Variants in WWP2 observed in about 807,000 individuals in gnomAD.
The protein encoded by WWP2 is NEDD4-like E3 ubiquitin-protein ligase WWP2.
Under a neutral mutation model 121.0 loss-of-function variants are expected in WWP2, and 57 were observed. The ratio of observed to expected loss-of-function variants is 0.47; its 90% CI spans 0.38 to 0.59. The LOEUF is 0.59. Among genes scored for constraint, WWP2 ranks in the 20% least tolerant of loss-of-function variants. The pLI, the probability that WWP2 is intolerant of heterozygous loss-of-function variation, is 0.00. For missense variants in WWP2, 962 were observed against 1,158.9 expected (o/e 0.83, Z 2.47); for synonymous variants, 449 against 441.3 (o/e 1.02, Z -0.22).
At chr16:69,915,417 A>G (rs527496729) in intron 9 of WWP2, among the ~76,000 whole-genome samples, 1 of 152,288 alleles carries the variant, frequency 6.6e-6, no homozygotes, top group African/African-American at 2.4e-5. Flanking sequence ...TATGGCAAAA[A>G]TCAAGAAATA....
intron 10 of WWP2, among the ~76,000 whole-genome samples, chr16:69,923,221 C>T (rs918129609): frequency 1.7e-4 from 24 of 142,086 alleles, no homozygotes; most frequent in Non-Finnish European, 2.2e-4. Flanking sequence ...TTGCACCAAC[C>T]TAATAAATGT....
intron 7 of WWP2, among the ~76,000 whole-genome samples, chr16:69,884,823 C>T (rs2057894693): frequency 6.6e-6 from 1 of 152,092 alleles, no homozygotes. Context: ...ACAAACTGAA[C>T]CTCCAGGAAG....
At chr16:69,813,102 T>C (rs561258081) in intron 4 of WWP2, among the ~76,000 whole-genome samples, 17 of 152,112 alleles carry the variant, frequency 1.1e-4, no homozygotes, top group Non-Finnish European at 1.3e-4. Flanking sequence ...GTATGTATTA[T>C]CAGCTTCTAC....
intron 6 of WWP2, among the ~76,000 whole-genome samples, chr16:69,845,145 G>A (rs1356040194): frequency 6.6e-6 from 1 of 152,076 alleles, no homozygotes. Flanking sequence ...TTTTTCAGGT[G>A]TAAAGTGGGG....
chr16:69,922,442 A>T (rs2058577031), intron 10 of WWP2, among the ~76,000 whole-genome samples: 1 of 152,180 alleles, frequency 6.6e-6, no homozygotes, highest in South Asian at 2.1e-4. Context: ...TGCACCCCAG[A>T]TCTCCCAACC....
intron 21 of WWP2, among the ~76,000 whole-genome samples, chr16:69,938,421 C>G (rs1018617220): frequency 6.6e-6 from 1 of 152,168 alleles, no homozygotes; most frequent in African/African-American, 2.4e-5. Flanking sequence ...AGTTCAAGAC[C>G]AGCCTGGCCA....
In WWP2 at chr16:69,925,610, A is replaced by G; in HGVS notation, c.1234+126A>G. The G allele has an allele frequency of 7.9e-7, 1 of 1,269,112 alleles. No individual in the cohort carries two copies. The highest frequency in any genetic ancestry group is 2.4e-5 in the East Asian group (1 of 40,896). The allele number at this position is 1,269,112 out of a possible 1,614,324, so 78.6% of individuals were successfully genotyped here. A position where few individuals can be genotyped will look rare whatever the true frequency, so the allele number is the denominator to read the frequency against. ...TTTCCATCTCTCCCCTCTCCAGCAC[A>G]CTCTCTGGGCATGCCCCACCAGAGC... On this transcript the variant is annotated intron_variant, in intron 11 of 23. Transcript: ENST00000359154. The surrounding 1 kb of genome is among the most constrained non-coding windows in gnomAD (Gnocchi z 4.0).
chr16:69,806,598 G>T (rs2056280075), intron 4 of WWP2, among the ~76,000 whole-genome samples: 2 of 151,556 alleles, frequency 1.3e-5, no homozygotes, highest in African/African-American at 4.9e-5. Context: ...CATAATTACT[G>T]GTTTGTTCAG....
chr16:69,812,477 C>G (rs4247105), intron 4 of WWP2, among the ~76,000 whole-genome samples: 20 of 119,872 alleles, frequency 1.7e-4, no homozygotes, highest in South Asian at 2.7e-4. Context: ...AACCCCCCCC[C>G]TTTTTTTTTT....
At position 69,809,281 on chromosome 16, in the gene WWP2, C is replaced by G. The variant is rs547767722; in HGVS notation, c.340+9986C>G. Among the ~76,000 whole-genome samples, 6 of 152,258 alleles carry G rather than the reference C, an allele frequency of 3.9e-5. No individual in the cohort carries two copies. In the South Asian group the frequency reaches 1.2e-3, roughly 32 times the overall value. ...TAGCCTATGTACCTAACATTCCAGC[C>G]ATGTTTCATAAAGTCTTCTATTTAG... On this transcript the variant is annotated intron_variant, in intron 4 of 23. Transcript: ENST00000359154.
At chr16:69,796,491 C>T (rs1235005744) in intron 2 of WWP2, among the ~76,000 whole-genome samples, 1 of 152,244 alleles carries the variant, frequency 6.6e-6, no homozygotes, top group Non-Finnish European at 1.5e-5. Context: ...ACGTGGCTGA[C>T]TGGTGTTGCG....
In WWP2 at chr16:69,817,984, C is replaced by T. The variant is rs548674670; in HGVS notation, c.340+18689C>T. Among the ~76,000 whole-genome samples, 4 of 151,816 alleles carry T rather than the reference C, an allele frequency of 2.6e-5. No homozygotes were observed. The East Asian group carries it at 5.8e-4, about 22-fold the overall frequency. ...TGCAGTCGCTGGGTCAGAAGGTGGG[C>T]GTGTTTCAAGTTTTTGATGCCTGCT... On this transcript the variant is annotated intron_variant, in intron 4 of 23. Coordinates refer to ENST00000359154, the MANE Select transcript of WWP2 (RefSeq NM_001270454.2).
chr16:69,851,960 C>T (rs117133291), intron 6 of WWP2, among the ~76,000 whole-genome samples: 1,614 of 143,104 alleles, frequency 0.011, 22 homozygotes, highest in Non-Finnish European at 0.016. Context: ...TCCAGCCTGG[C>T]GACAGAGCAG....
intron 4 of WWP2, 51 bp from the exon 5 acceptor site, chr16:69,840,075 C>T (rs917058601): frequency 1.2e-6 from 2 of 1,602,434 alleles, no homozygotes; most frequent in Non-Finnish European, 1.7e-6. Flanking sequence ...AGAATCTTAA[C>T]TTGGGGTGCA....
intron 4 of WWP2, among the ~76,000 whole-genome samples, chr16:69,831,703 A>C (rs958226003): frequency 6.6e-6 from 1 of 152,036 alleles, no homozygotes; most frequent in South Asian, 2.1e-4. Context: ...TTCCCCAAAC[A>C]GCTTGACTGA....
At position 69,881,341 on chromosome 16, in the gene WWP2, A is replaced by G. The variant is rs141271449; in HGVS notation, c.704-6698A>G. On this transcript the variant is annotated intron_variant, in intron 7 of 23. Coordinates refer to ENST00000359154, the MANE Select transcript of WWP2 (RefSeq NM_001270454.2). ...TCTGAGTGGTCCCTCTGTGAGCCTC[A>G]GTTTTGTCTGCAGTGAAATGGGAAT... 3.4e-3 allele frequency among the ~76,000 whole-genome samples: 513 copies of G among 152,316 alleles called. 7 individuals are homozygous for G. Among genetic ancestry groups the G allele is most frequent in the African/African-American group, 0.011 (474 of 41,570 alleles).
chr16:69,937,439 G>A lies in WWP2; in HGVS notation c.2239-109G>A. ...TTACATTACCCATATTATTAACGCT[G>A]ACACCAAAAATAGCTAGTTGAATAT... On this transcript the variant is annotated intron_variant, in intron 20 of 23. Transcript: ENST00000359154. The surrounding 1 kb of genome is among the most constrained non-coding windows in gnomAD (Gnocchi z 6.6). 2 of 1,385,638 alleles carry A rather than the reference G, an allele frequency of 1.4e-6. No homozygotes were observed. Among genetic ancestry groups the A allele is most frequent in the Non-Finnish European group, 2.0e-6 (2 of 997,598 alleles). 85.8% of individuals were successfully genotyped at this position (1,385,638 alleles called of 1,614,324 possible).
Position 69,787,097 on chromosome 16 carries a change from A to G in WWP2, c.70+17A>G. The G allele has an allele frequency of 1.9e-6, 3 of 1,606,320 alleles. No individual in the cohort carries two copies. Among genetic ancestry groups the G allele is most frequent in the Admixed American group, 1.7e-5 (1 of 59,010 alleles). ...CTTTGAAAGGTGAGTGGCACTGTAT[A>G]ATGTCTTCATCTTGTCTACGCCCAG... is the stretch of plus-strand genomic sequence containing the variant. On this transcript the variant is annotated intron_variant, in intron 2 of 23. Transcript: ENST00000359154.
rs1209769167 is a variant in WWP2 at position 69,868,942 on chromosome 16, CAGTGGT to C, written c.576-2860_576-2855del. On this transcript the variant is annotated intron_variant, in intron 6 of 23. Transcript: ENST00000359154. Reference sequence around the variant, plus strand: ...TCTCTGTGTTGTCCAGGCTGGAGTGCAGTGGTACAATCTCGGCTCACTGCGACCTCC... The same window carrying C: ...TCTCTGTGTTGTCCAGGCTGGAGTGCACAATCTCGGCTCACTGCGACCTCC... 5.1e-3 allele frequency among the ~76,000 whole-genome samples: 781 copies of C among 152,244 alleles called. 6 individuals carry two copies. The highest frequency in any genetic ancestry group is 0.018 in the African/African-American group (750 of 41,550).
Sources: allele counts gnomAD v4.1 joint callset (sites outside exome capture counted in the v4.1 genomes callset), GRCh38; gene constraint gnomAD v4.1.1; non-coding constraint Gnocchi (gnomAD v3.1); transcripts MANE v1.5; gene names NCBI Gene and HGNC (gene_info 2026-07-23, HGNC 2026-07-21).